NEB: variants seen among roughly 807,000 people sequenced by gnomAD.
The protein encoded by NEB is nebulin, also known as nemaline myopathy type 2.
Under a neutral mutation model 952.2 loss-of-function variants are expected in NEB, and 512 were observed. The observed-to-expected ratio is 0.54, with a 90% CI of 0.50 to 0.58. The LOEUF (loss-of-function observed/expected upper bound fraction) is 0.58. Ranked by LOEUF, NEB falls within the 20% of genes least tolerant of loss-of-function variation. The pLI, the probability that NEB is intolerant of heterozygous loss-of-function variation, is 0.00. For synonymous variants in NEB, 2,900 were observed against 3,149.8 expected (o/e 0.92, Z 2.66); for missense variants, 8,428 against 9,231.1 (o/e 0.91, Z 3.56).
intron 71 of NEB, 101 bp downstream of exon 71, chr2:151,625,433 A>T: frequency 1.2e-6 from 1 of 850,702 alleles, no homozygotes; most frequent in Non-Finnish European, 1.7e-6. Context: ...AAGCCAACTA[A>T]GCTAACTGGC....
In NEB at chr2:151,552,749, T is replaced by C; in HGVS notation, c.19759A>G (p.Thr6587Ala). Residue 6587 changes from threonine (T) to alanine (A), a missense_variant, in exon 128 of 182, where the codon ACA becomes GCA. Physicochemically the swap from Thr to Ala is moderately conservative, Grantham distance 58 (BLOSUM62 0). This residue lies in a region of NEB where 3,374 missense variants were observed against 3,651.5 expected (regional missense o/e 0.92). Coordinates refer to ENST00000397345, the MANE Select transcript of NEB (RefSeq NM_001164508.2). ...DIKYKAHMLK[T>A]RNDYKLVTDT... is the part of the protein sequence containing the mutation. ...GTGACAAGCTTGTAGTCATTCCTTG[T>C]TTTCAACATGTGAGCTTTATACTTG... 1 of 1,613,128 alleles carries C rather than the reference T, an allele frequency of 6.2e-7. No individual in the cohort carries two copies. Among genetic ancestry groups the C allele is most frequent in the Non-Finnish European group, 8.5e-7 (1 of 1,179,450 alleles).
chr2:151,561,295 T>C lies in NEB; in HGVS notation c.19014A>G (p.Ala6338=). The C allele has an allele frequency of 6.3e-7, 1 of 1,597,074 alleles. No individual in the cohort carries two copies. The highest frequency in any genetic ancestry group is 8.5e-7 in the Non-Finnish European group (1 of 1,170,988). The change falls in exon 122 of 182, where the codon GCA becomes GCG. Residue 6338 remains alanine, a synonymous_variant. Coordinates refer to ENST00000397345, the MANE Select transcript of NEB (RefSeq NM_001164508.2). ...DLQSQLQYTA[A]GKENLQNYNL... is the part of the protein sequence containing the mutation. ...TATAGTTTTGTAGATTTTCTTTACC[T>C]GCTGCTGTATATTGTAGCTGTGAAG...
At chr2:151,505,056 A>G (rs1472633766) in intron 165 of NEB, among the ~76,000 whole-genome samples, 2 of 152,184 alleles carry the variant, frequency 1.3e-5, no homozygotes, top group Non-Finnish European at 2.9e-5. Flanking sequence ...TGTCATACAT[A>G]CACACACACA....
At chr2:151,591,635 A>C (rs1287152608) in intron 95 of NEB, among the ~76,000 whole-genome samples, 180 bp from the exon 96 acceptor site, 1 of 152,278 alleles carries the variant, frequency 6.6e-6, no homozygotes, top group Non-Finnish European at 1.5e-5. Flanking sequence ...AATGACATTT[A>C]GTAAAGCTCT....
Position 151,656,288 on chromosome 2 carries a change from G to A in NEB, c.6360C>T (p.Leu2120=). ...GGGCATCCTTTGCAGCCGTGACACT[G>A]AGCATGTCGGCAGGGGTGTGGTAGC... The part of the protein sequence containing the change: ...KTSYHTPADM[L]SVTAAKDAQA... The change falls in exon 49 of 182, where the codon CTC becomes CTT. Residue 2120 remains leucine (L), a synonymous_variant. Coordinates refer to ENST00000397345, the MANE Select transcript of NEB (RefSeq NM_001164508.2). 1.9e-6 allele frequency: 3 copies of A among 1,613,676 alleles called. No individual in the cohort carries two copies. Among genetic ancestry groups the A allele is most frequent in the Non-Finnish European group, 2.5e-6 (3 of 1,179,738 alleles).
chr2:151,569,980 A>T (rs2153751884), intron 109 of NEB, 101 bp downstream of exon 109: 1 of 1,188,196 alleles, frequency 8.4e-7, no homozygotes, highest in Non-Finnish European at 1.2e-6. Flanking sequence ...TCTTGGTGAT[A>T]TGAAGTCGTA....
At chr2:151,729,735 G>T in intron 3 of NEB, 79 bp from the exon 4 acceptor site, 3 of 1,420,720 alleles carry the variant, frequency 2.1e-6, no homozygotes. Flanking sequence ...GAACCACTTA[G>T]GTGACTGCAC....
intron 63 of NEB, among the ~76,000 whole-genome samples, chr2:151,638,831 GTGTGT>G (rs1287740119): frequency 3.9e-5 from 6 of 152,052 alleles, no homozygotes; most frequent in African/African-American, 1.4e-4. Context: ...GTGTGTGTGT[GTGTGT>G]GTGGGTTACC....
chr2:151,713,705 A>G (rs1045157515), intron 10 of NEB, among the ~76,000 whole-genome samples: 2 of 152,130 alleles, frequency 1.3e-5, no homozygotes, highest in African/African-American at 4.8e-5. Context: ...CATGGTGTGC[A>G]TAGCTTCCCC....
chr2:151,684,655 T>C, intron 28 of NEB, 123 bp downstream of exon 28: 3 of 891,534 alleles, frequency 3.4e-6, no homozygotes, highest in Non-Finnish European at 4.8e-6. Context: ...ACAAGGGTCG[T>C]TTGCTTACAT....
At chr2:151,492,070 TC>T (rs948777159) in intron 178 of NEB, 27 bp downstream of exon 178, 32 of 1,608,546 alleles carry the variant, frequency 2.0e-5, no homozygotes, top group Non-Finnish European at 1.7e-6. Flanking sequence ...TTAAAGTTAA[TC>T]CCCTCCCCCA....
In NEB at chr2:151,666,108, GGCATTCCTGGAGT is replaced by G. The variant is rs1196259644; in HGVS notation, c.5000_5012del (p.His1667ProfsTer18). 6.2e-7 allele frequency: 1 copy of G among 1,612,576 alleles called. No individual in the cohort carries two copies. The highest frequency in any genetic ancestry group is 8.5e-7 in the Non-Finnish European group (1 of 1,178,926). ...TACATACATCACTCTGAATCTGCAT[GGCATTCCTGGAGT>G]GCTCCACATTCAAGGCATCGGGCAG... On this transcript the variant is annotated frameshift_variant, in exon 41 of 182. Coordinates refer to ENST00000397345, the MANE Select transcript of NEB (RefSeq NM_001164508.2). LOFTEE classifies it high-confidence loss of function.
At chr2:151,572,786 G>A (rs1311511240) in intron 107 of NEB, among the ~76,000 whole-genome samples, 1 of 149,554 alleles carries the variant, frequency 6.7e-6, no homozygotes, top group Non-Finnish European at 1.5e-5. Context: ...CTGGCCTCAA[G>A]TGATCCACCC....
At chr2:151,537,298 A>G in intron 140 of NEB, 62 bp from the exon 141 acceptor site, 1 of 951,014 alleles carries the variant, frequency 1.1e-6, no homozygotes. Flanking sequence ...ATAAGTTAGT[A>G]TCTATACAAG....
rs754118814 is a variant in NEB, at chr2:151,639,389, C to G, written c.8890-5G>C. 6.7e-7 allele frequency: 1 copy of G among 1,496,812 alleles called. No homozygotes were observed. The highest frequency in any genetic ancestry group is 1.3e-5 in the South Asian group (1 of 76,916). The allele number at this position is 1,496,812 out of a possible 1,614,324, so 92.7% of individuals were successfully genotyped here. A position where few individuals can be genotyped will look rare whatever the true frequency, so the allele number is the denominator to read the frequency against. ...CCAGGCTTCTGTGTATAAACGCTAT[C>G]AAAAAAAATACACAAATTCATCAGG... On this transcript the variant is annotated splice_region_variant and splice_polypyrimidine_tract_variant and intron_variant, in intron 62 of 181. Coordinates refer to ENST00000397345, the MANE Select transcript of NEB (RefSeq NM_001164508.2).
chr2:151,534,361 C>A (rs762785423), intron 142 of NEB: 2 of 1,536,642 alleles, frequency 1.3e-6, no homozygotes, highest in African/African-American at 2.7e-5. Flanking sequence ...AGTACAACTT[C>A]AAGGCTACAC....
At chr2:151,577,603 C>T (rs529303347) in intron 105 of NEB, among the ~76,000 whole-genome samples, 100 of 152,300 alleles carry the variant, frequency 6.6e-4, no homozygotes, top group Non-Finnish European at 1.2e-3. Flanking sequence ...GCCTTTGAGA[C>T]GGAGTCTCAC....
At chr2:151,694,709 T>C in intron 18 of NEB, 80 bp from the exon 19 acceptor site, 1 of 1,010,806 alleles carries the variant, frequency 9.9e-7, no homozygotes, top group Non-Finnish European at 1.5e-6. Context: ...GGTAACTAAA[T>C]ACCTTATCTT....
chr2:151,488,205 G>A (rs1409852533), intron 181 of NEB, among the ~76,000 whole-genome samples: 2 of 151,916 alleles, frequency 1.3e-5, no homozygotes. Context: ...TAATATTTTT[G>A]TTATGTATGC....
Sources: gnomAD v4.1 joint callset for allele counts (sites outside exome capture counted in the v4.1 genomes callset) on GRCh38, gnomAD v4.1.1 for gene constraint, gnomAD v4.1.1 regional missense constraint, MANE v1.5 for transcripts, NCBI Gene and HGNC (gene_info 2026-07-23, HGNC 2026-07-21) for gene names.